Variants in KLF12 observed in about 807,000 individuals in gnomAD.
The protein encoded by KLF12 is KLF transcription factor 12.
Under a neutral mutation model 37.8 loss-of-function variants are expected in KLF12, and 9 were observed. That is an observed-to-expected ratio of 0.24 (90% CI 0.14 to 0.42). The LOEUF (loss-of-function observed/expected upper bound fraction) is 0.42. Among genes scored for constraint, KLF12 ranks in the 10% least tolerant of loss-of-function variants. The probability of loss-of-function intolerance (pLI) is 1.00; values close to 1 mark genes in which losing one functional copy is unlikely to be tolerated. For synonymous variants in KLF12, 208 were observed against 202.1 expected, an observed-to-expected ratio of 1.03 and a Z score of -0.25; for missense variants, 411 against 516.0, an observed-to-expected ratio of 0.80 and a Z score of 1.97.
intron 1 of KLF12, among the ~76,000 whole-genome samples, chr13:74,051,137 T>G (rs1218044135): frequency 6.6e-6 from 1 of 152,072 alleles, no homozygotes; most frequent in Non-Finnish European, 1.5e-5. Context: ...TCTTCAAAAG[T>G]TAAAAACAGG....
chr13:74,059,395 C>T (rs907700243), intron 1 of KLF12, among the ~76,000 whole-genome samples: 3 of 152,328 alleles, frequency 2.0e-5, no homozygotes, highest in South Asian at 2.1e-4. Context: ...GTTGTTCCCA[C>T]GAGCAGTATA....
chr13:74,061,299 T>C (rs1873578454), intron 1 of KLF12, among the ~76,000 whole-genome samples: 1 of 152,162 alleles, frequency 6.6e-6, no homozygotes, highest in South Asian at 2.1e-4. Context: ...AGGGAGGAAC[T>C]AGGTTTCAAA....
chr13:73,991,653 A>G (rs1891974125), intron 2 of KLF12, among the ~76,000 whole-genome samples: 1 of 152,240 alleles, frequency 6.6e-6, no homozygotes, highest in African/African-American at 2.4e-5. Flanking sequence ...TCAAACAGAC[A>G]GATAATTGCA....
intron 3 of KLF12, among the ~76,000 whole-genome samples, chr13:73,888,304 AC>A (rs1202897238): frequency 2.0e-5 from 3 of 152,184 alleles, no homozygotes; most frequent in African/African-American, 7.2e-5. Context: ...GCGCCCGGCC[AC>A]AAAAACTTTC....
At chr13:74,017,371 G>C (rs1892719302) in intron 1 of KLF12, among the ~76,000 whole-genome samples, 1 of 146,678 alleles carries the variant, frequency 6.8e-6, no homozygotes, top group African/African-American at 2.5e-5. Context: ...GAAATCCTCA[G>C]AACCAGACAA....
chr13:73,825,080 A>G (rs573287859), intron 4 of KLF12, among the ~76,000 whole-genome samples: 2 of 147,986 alleles, frequency 1.4e-5, no homozygotes, highest in Admixed American at 6.7e-5. Flanking sequence ...AAAAAAAAAA[A>G]CAATAGAAAT....
chr13:73,751,268 C>A (rs551582846), intron 6 of KLF12, among the ~76,000 whole-genome samples: 2 of 152,158 alleles, frequency 1.3e-5, no homozygotes, highest in African/African-American at 4.8e-5. Context: ...ATTAATGAGA[C>A]CCCTGGATCA....
At chr13:74,007,631 T>C (rs1892446663) in intron 1 of KLF12, among the ~76,000 whole-genome samples, 2 of 152,126 alleles carry the variant, frequency 1.3e-5, no homozygotes, top group Admixed American at 1.3e-4. Context: ...TTCTAGCAAG[T>C]ACCATAAAGC....
rs73531203 is a variant in KLF12, at chr13:74,071,848, C to T, written c.-32+61891G>A. On this transcript the variant is annotated intron_variant, in intron 1 of 7. Transcript: ENST00000377669. Reference sequence around the variant, plus strand: ...GAAAACTGATTGGTCATGGGTCTGACTGTGTATGGTGATTTCTTATTTTAA... The same window carrying T: ...GAAAACTGATTGGTCATGGGTCTGATTGTGTATGGTGATTTCTTATTTTAA... Among the ~76,000 whole-genome samples, 730 of 152,298 alleles carry T rather than the reference C, an allele frequency of 4.8e-3. 8 individuals carry two copies. Among genetic ancestry groups the T allele is most frequent in the African/African-American group, 0.017 (693 of 41,556 alleles).
chr13:74,120,209 C>T (rs2138974416), intron 1 of KLF12, among the ~76,000 whole-genome samples: 1 of 152,310 alleles, frequency 6.6e-6, no homozygotes, highest in East Asian at 1.9e-4. Flanking sequence ...AGGCCAGGCA[C>T]AGTGGCTCAT....
At chr13:74,121,167 A>G (rs1877614220) in intron 1 of KLF12, among the ~76,000 whole-genome samples, 1 of 152,186 alleles carries the variant, frequency 6.6e-6, no homozygotes, top group Non-Finnish European at 1.5e-5. Context: ...AAAAACTGAC[A>G]GCACTGAAAA....
At chr13:73,984,410 T>G (rs994679659) in intron 2 of KLF12, among the ~76,000 whole-genome samples, 1 of 152,150 alleles carries the variant, frequency 6.6e-6, no homozygotes, top group East Asian at 1.9e-4. Context: ...ATTTTATTCA[T>G]AGGCCATGAC....
Position 73,874,578 on chromosome 13 carries a change from GT to G in KLF12, c.124-28206del, listed in dbSNP as rs1211088962. ...GGAATCAATCCAATAATTGACTTCT[GT>G]TTTCTTCAGCAAAGGGCACTTAACA... On this transcript the variant is annotated intron_variant, in intron 3 of 7. Coordinates refer to ENST00000377669, the MANE Select transcript of KLF12 (RefSeq NM_007249.5). Among the ~76,000 whole-genome samples the G allele has an allele frequency of 7.9e-5, 12 of 152,248 alleles. No individual in the cohort carries two copies. In the South Asian group the frequency reaches 2.5e-3, roughly 32 times the overall value.
rs146273935 is a variant in KLF12 at position 73,909,086 on chromosome 13, C to T, written c.123+34895G>A. Among the ~76,000 whole-genome samples, 22 of 152,272 alleles carry T rather than the reference C, an allele frequency of 1.4e-4. 1 individual carries two copies. The East Asian group carries it at 4.1e-3, about 28-fold the overall frequency. On this transcript the variant is annotated intron_variant, in intron 3 of 7. Transcript: ENST00000377669. The stretch of plus-strand genomic sequence containing the variant: ...GTACAGGAGAAAATGGACAACAATA[C>T]GTACTTGCTGATCAACAGATGCAAG...
At chr13:73,851,964 A>AT (rs1885356064) in intron 3 of KLF12, among the ~76,000 whole-genome samples, 1 of 152,134 alleles carries the variant, frequency 6.6e-6, no homozygotes, top group Non-Finnish European at 1.5e-5. Flanking sequence ...AGTAAATACA[A>AT]TTTTTTATTA....
At chr13:73,940,732 TAGG>T (rs992146378) in intron 3 of KLF12, among the ~76,000 whole-genome samples, 1 of 152,226 alleles carries the variant, frequency 6.6e-6, no homozygotes, top group Admixed American at 6.5e-5. Context: ...CCTTGTCCTC[TAGG>T]AGTTTACACT....
the KLF12 span, among the ~76,000 whole-genome samples, chr13:74,204,619 T>C: frequency 2.6e-5 from 4 of 152,142 alleles, no homozygotes; most frequent in Admixed American, 1.3e-4. Flanking sequence ...TTATTGCAGT[T>C]TTGAGAGATA....
chr13:73,914,169 A>C (rs1366021880), intron 3 of KLF12, among the ~76,000 whole-genome samples: 1 of 152,092 alleles, frequency 6.6e-6, no homozygotes, highest in Non-Finnish European at 1.5e-5. Context: ...TTTCTGACTT[A>C]TTTCTGATAT....
intron 3 of KLF12, among the ~76,000 whole-genome samples, chr13:73,908,923 C>G (rs1490009100): frequency 2.0e-5 from 3 of 152,082 alleles, no homozygotes; most frequent in African/African-American, 7.2e-5. Flanking sequence ...ATGGTAGAAG[C>G]ACAATAAAAT....
Sources: allele counts gnomAD v4.1 joint callset (sites outside exome capture counted in the v4.1 genomes callset), GRCh38; gene constraint gnomAD v4.1.1; transcripts MANE v1.5; gene names NCBI Gene and HGNC (gene_info 2026-07-23, HGNC 2026-07-21).